MAP2K1: variants seen among roughly 807,000 people sequenced by gnomAD.
MAP2K1 encodes mitogen-activated protein kinase kinase 1.
In MAP2K1, 16 loss-of-function variants were observed where a neutral mutation model predicts 46.3. The ratio of observed to expected loss-of-function variants is 0.35; its 90% confidence interval spans 0.23 to 0.52. The LOEUF is 0.52. Among genes scored for constraint, MAP2K1 ranks in the 20% least tolerant of loss-of-function variants. The probability of loss-of-function intolerance (pLI) is 0.94; values close to 1 mark genes in which losing one functional copy is unlikely to be tolerated. For synonymous variants in MAP2K1, 183 were observed against 185.6 expected (o/e 0.99, Z 0.11); for missense variants, 263 against 497.1 (o/e 0.53, Z 4.48).
intron 5 of MAP2K1, among the ~76,000 whole-genome samples, chr15:66,467,241 A>G (rs1311182643): frequency 6.6e-6 from 1 of 152,042 alleles, no homozygotes; most frequent in Non-Finnish European, 1.5e-5. Context: ...TCTCAAAAAG[A>G]AAAAAAAGAG....
At chr15:66,419,480 A>G (rs977140710) in intron 1 of MAP2K1, among the ~76,000 whole-genome samples, 2 of 151,860 alleles carry the variant, frequency 1.3e-5, no homozygotes, top group African/African-American at 4.8e-5. Flanking sequence ...AGATTGTGCC[A>G]CTGCACTCCA....
intron 1 of MAP2K1, among the ~76,000 whole-genome samples, chr15:66,389,670 C>T (rs1483294776): frequency 6.8e-6 from 1 of 148,070 alleles, no homozygotes; most frequent in Non-Finnish European, 1.5e-5. Flanking sequence ...CACCTCCCGG[C>T]TTCAAGCGAT....
chr15:66,478,417 C>CACAGTTATATATATAT (rs1892820819), intron 5 of MAP2K1, among the ~76,000 whole-genome samples: 1 of 111,480 alleles, frequency 9.0e-6, no homozygotes. Flanking sequence ...TATATATACA[C>CACAGTTATATATATAT]ACAGGTATAT....
intron 1 of MAP2K1, chr15:66,415,059 C>T (rs1296439357): frequency 4.0e-6 from 2 of 503,714 alleles, no homozygotes; most frequent in Admixed American, 2.0e-5. Flanking sequence ...CAATGCACTG[C>T]TTGTAGTACC....
At chr15:66,470,102 T>G (rs1348068095) in intron 5 of MAP2K1, among the ~76,000 whole-genome samples, 3 of 139,592 alleles carry the variant, frequency 2.1e-5, no homozygotes, top group East Asian at 4.2e-4. Flanking sequence ...TTGTTTTTTT[T>G]TTTTTTTTTT....
intron 5 of MAP2K1, among the ~76,000 whole-genome samples, chr15:66,460,480 T>A (rs755819142): frequency 4.6e-5 from 7 of 152,052 alleles, no homozygotes; most frequent in Non-Finnish European, 1.0e-4. Context: ...AACACAGACA[T>A]GTTTTTACAG....
At chr15:66,430,408 G>A (rs1367253686) in intron 1 of MAP2K1, among the ~76,000 whole-genome samples, 1 of 152,216 alleles carries the variant, frequency 6.6e-6, no homozygotes, top group Non-Finnish European at 1.5e-5. Flanking sequence ...CTGCCATCGA[G>A]GCTAGAGCAA....
intron 5 of MAP2K1, among the ~76,000 whole-genome samples, chr15:66,448,231 A>G (rs1257433223): frequency 1.3e-5 from 2 of 151,164 alleles, no homozygotes; most frequent in African/African-American, 4.9e-5. Context: ...TTCTGTCTCT[A>G]TGAGTTTGAC....
intron 5 of MAP2K1, among the ~76,000 whole-genome samples, chr15:66,481,369 C>T (rs778259848): frequency 2.0e-5 from 3 of 152,140 alleles, no homozygotes; most frequent in Non-Finnish European, 4.4e-5. Context: ...TTTTTTTCTG[C>T]CTCCTTCATG....
intron 5 of MAP2K1, among the ~76,000 whole-genome samples, chr15:66,455,300 T>C (rs1892139120): frequency 6.6e-6 from 1 of 152,232 alleles, no homozygotes; most frequent in Non-Finnish European, 1.5e-5. Context: ...AAATAGTTTA[T>C]AACACAAGGT....
At chr15:66,428,271 C>T (rs972121315) in intron 1 of MAP2K1, among the ~76,000 whole-genome samples, 3 of 122,376 alleles carry the variant, frequency 2.5e-5, no homozygotes, top group South Asian at 2.9e-4. Context: ...AGCAGTTGTG[C>T]GTGTGTGTGT....
At chr15:66,407,782 C>A (rs1228740207) in intron 1 of MAP2K1, among the ~76,000 whole-genome samples, 1 of 152,186 alleles carries the variant, frequency 6.6e-6, no homozygotes, top group Admixed American at 6.5e-5. Context: ...GTTGAGGCTG[C>A]AGCGAGCTGT....
chr15:66,436,479 A>G (rs897240826), intron 2 of MAP2K1, among the ~76,000 whole-genome samples: 5 of 152,182 alleles, frequency 3.3e-5, no homozygotes, highest in African/African-American at 1.2e-4. Flanking sequence ...CTGAGCTCCA[A>G]AGCCTCTCTT....
chr15:66,473,380 G>C (rs1240841939), intron 5 of MAP2K1, among the ~76,000 whole-genome samples: 2 of 152,138 alleles, frequency 1.3e-5, no homozygotes, highest in African/African-American at 4.8e-5. Flanking sequence ...TTTGAGACCA[G>C]CCTGGGCAAA....
At chr15:66,394,368 C>T (rs1400065886) in intron 1 of MAP2K1, among the ~76,000 whole-genome samples, 2 of 136,530 alleles carry the variant, frequency 1.5e-5, no homozygotes, top group African/African-American at 2.5e-5. Flanking sequence ...GTGTGAAGGC[C>T]CTGGAGGAAG....
chr15:66,417,861 G>T (rs994343282), intron 1 of MAP2K1, among the ~76,000 whole-genome samples: 1 of 152,164 alleles, frequency 6.6e-6, no homozygotes, highest in Non-Finnish European at 1.5e-5. Flanking sequence ...TTTGAGTGCT[G>T]TGTTTCATCT....
At chr15:66,442,929 G>A (rs2093508391) in intron 3 of MAP2K1, among the ~76,000 whole-genome samples, 1 of 152,116 alleles carries the variant, frequency 6.6e-6, no homozygotes, top group Admixed American at 6.6e-5. Flanking sequence ...ACATTGCAAA[G>A]GATACAGATG....
intron 1 of MAP2K1, among the ~76,000 whole-genome samples, chr15:66,429,281 G>A (rs959244223): frequency 1.3e-5 from 2 of 148,414 alleles, no homozygotes; most frequent in Non-Finnish European, 2.9e-5. Flanking sequence ...ATGGTGGCAA[G>A]AGAGAGAAGT....
At chr15:66,472,732 A>G (rs1198899984) in intron 5 of MAP2K1, among the ~76,000 whole-genome samples, 3 of 152,258 alleles carry the variant, frequency 2.0e-5, no homozygotes, top group Non-Finnish European at 2.9e-5. Flanking sequence ...GGTTATCCCA[A>G]GCTAGGAATA....
Sources: allele counts gnomAD v4.1 joint callset (sites outside exome capture counted in the v4.1 genomes callset), GRCh38; gene constraint gnomAD v4.1.1; transcripts MANE v1.5; gene names NCBI Gene and HGNC (gene_info 2026-07-23, HGNC 2026-07-21).